Variants in ADAMTS12 observed in about 807,000 individuals in gnomAD.
The protein encoded by ADAMTS12 is A disintegrin and metalloproteinase with thrombospondin motifs 12.
A neutral mutation model predicts 167.8 loss-of-function variants in ADAMTS12; 118 were observed. The observed-to-expected ratio is 0.70, with a 90% confidence interval of 0.61 to 0.82. The LOEUF is 0.82. Ranked by LOEUF, ADAMTS12 falls within the 40% of genes least tolerant of loss-of-function variation. The probability of loss-of-function intolerance (pLI) is 0.00; values close to 1 mark genes in which losing one functional copy is unlikely to be tolerated. For synonymous variants in ADAMTS12, 704 were observed against 716.9 expected (o/e 0.98, Z 0.29); for missense variants, 1,916 against 1,998.8 (o/e 0.96, Z 0.79).
intron 2 of ADAMTS12, among the ~76,000 whole-genome samples, chr5:33,791,995 CT>C (rs746021718): frequency 0.028 from 3,315 of 119,288 alleles, 81 homozygotes; most frequent in African/African-American, 0.095. Flanking sequence ...TGCTTTCACA[CT>C]TTTTTTTTTT....
intron 16 of ADAMTS12, among the ~76,000 whole-genome samples, chr5:33,605,751 T>C (rs916902206): frequency 3.3e-5 from 5 of 152,004 alleles, no homozygotes; most frequent in Non-Finnish European, 4.4e-5. Flanking sequence ...AATAGATAAT[T>C]ACTAATAATT....
chr5:33,891,938 A>AT lies in ADAMTS12; in HGVS notation c.-83_-82insA. 1 of 1,540,332 alleles carries AT rather than the reference A, an allele frequency of 6.5e-7. No individual in the cohort carries two copies. Among genetic ancestry groups the AT allele is most frequent in the Non-Finnish European group, 8.8e-7 (1 of 1,140,180 alleles). On this transcript the variant is annotated 5_prime_UTR_variant, in exon 1 of 24. In the 5' UTR this introduces an upstream ATG that the reference lacks. Transcript: ENST00000504830. ...ATAAAGCGCTCGCCTGTGGCCCAGC[A>AT]GGAAGATGCAGGGGTGCATGGTCAG...
intron 22 of ADAMTS12, among the ~76,000 whole-genome samples, chr5:33,536,965 G>T (rs529717014): frequency 1.4e-4 from 21 of 152,206 alleles, no homozygotes; most frequent in Non-Finnish European, 2.5e-4. Context: ...AAAGAGCCTA[G>T]TCCTGAAATA....
intron 23 of ADAMTS12, 44 bp from the exon 24 acceptor site, chr5:33,527,410 C>A: frequency 6.3e-7 from 1 of 1,584,888 alleles, no homozygotes; most frequent in South Asian, 1.1e-5. Context: ...CAAAGATTAT[C>A]CTTTGTGGAT....
chr5:33,696,889 A>C (rs1237837285), intron 3 of ADAMTS12, among the ~76,000 whole-genome samples: 1 of 152,188 alleles, frequency 6.6e-6, no homozygotes, highest in Non-Finnish European at 1.5e-5. Context: ...TTTTCGGCTT[A>C]ATATGGTCAA....
At chr5:33,873,106 A>G (rs1342455489) in intron 2 of ADAMTS12, among the ~76,000 whole-genome samples, 1 of 151,912 alleles carries the variant, frequency 6.6e-6, no homozygotes, top group Admixed American at 6.6e-5. Flanking sequence ...ATATAAGTAT[A>G]CTAATTGCAA....
At chr5:33,849,612 T>C (rs200376508) in intron 2 of ADAMTS12, among the ~76,000 whole-genome samples, 1,088 of 58,034 alleles carry the variant, frequency 0.019, 66 homozygotes, top group African/African-American at 0.05. Flanking sequence ...CATAGCAATA[T>C]ATATGTATTG....
rs1303869854 is a variant in ADAMTS12, at chr5:33,576,548, CT to C, written c.3477del (p.Glu1161LysfsTer15). The part of the protein sequence containing the change: ...KGPEMEIHSG[S>X]GEEREQPEDK... The stretch of plus-strand genomic sequence containing the variant: ...TCCTCAGGCTGTTCTCTTTCTTCCC[CT>C]GAGCCACTGTGAATCTCCATTTCTG... On this transcript the variant is annotated frameshift_variant, in exon 19 of 24. Transcript: ENST00000504830. LOFTEE classifies it high-confidence loss of function. The C allele has an allele frequency of 1.9e-6, 3 of 1,613,826 alleles. No individual in the cohort carries two copies. The highest frequency in any genetic ancestry group is 2.5e-6 in the Non-Finnish European group (3 of 1,179,908).
At chr5:33,685,284 A>T (rs547037942) in intron 3 of ADAMTS12, among the ~76,000 whole-genome samples, 8 of 152,358 alleles carry the variant, frequency 5.3e-5, no homozygotes, top group Non-Finnish European at 1.5e-5. Flanking sequence ...CTCACAGGGC[A>T]TCTTGTTCTA....
intron 3 of ADAMTS12, among the ~76,000 whole-genome samples, chr5:33,702,874 G>A (rs1238289302): frequency 6.6e-6 from 1 of 152,160 alleles, no homozygotes; most frequent in Non-Finnish European, 1.5e-5. Context: ...TAGGCAGCCA[G>A]AAAGCCTCCT....
Position 33,549,179 on chromosome 5 carries a change from G to A in ADAMTS12, c.4302+28C>T. The A allele has an allele frequency of 1.9e-6, 3 of 1,603,520 alleles. No individual in the cohort carries two copies. The South Asian group carries it at 3.3e-5, about 18-fold the overall frequency. ...TTCATGGCTTGCCAGGTTGTGTGAG[G>A]ACATCTCTCCCTTTGTGGGGGACCT... On this transcript the variant is annotated intron_variant, in intron 21 of 23. Transcript: ENST00000504830.
At chr5:33,660,167 A>G (rs969363905) in intron 6 of ADAMTS12, among the ~76,000 whole-genome samples, 4 of 152,166 alleles carry the variant, frequency 2.6e-5, no homozygotes, top group African/African-American at 7.2e-5. Flanking sequence ...GGTTCAACAC[A>G]CTTTTATGCA....
intron 8 of ADAMTS12, among the ~76,000 whole-genome samples, 181 bp downstream of exon 8, chr5:33,649,373 C>T (rs1020933451): frequency 1.3e-5 from 2 of 152,188 alleles, no homozygotes; most frequent in Non-Finnish European, 2.9e-5. Flanking sequence ...GGGCAGAGCC[C>T]ATCTAGACCT....
intron 3 of ADAMTS12, among the ~76,000 whole-genome samples, chr5:33,743,257 G>A (rs1330923118): frequency 2.0e-5 from 3 of 152,218 alleles, no homozygotes; most frequent in African/African-American, 7.2e-5. Flanking sequence ...GTGGGGGCCA[G>A]CAGGCCTCGG....
At chr5:33,670,798 A>C (rs962884206) in intron 5 of ADAMTS12, among the ~76,000 whole-genome samples, 5 of 152,338 alleles carry the variant, frequency 3.3e-5, no homozygotes, top group African/African-American at 1.2e-4. Context: ...CATATAACTT[A>C]GCAGTTACAT....
chr5:33,845,461 C>A (rs538344110), intron 2 of ADAMTS12, among the ~76,000 whole-genome samples: 2 of 152,200 alleles, frequency 1.3e-5, no homozygotes, highest in Admixed American at 6.5e-5. Flanking sequence ...ATAAATACTG[C>A]CGTTATGTAT....
chr5:33,760,359 C>T (rs1025551956), intron 2 of ADAMTS12, among the ~76,000 whole-genome samples: 38 of 145,544 alleles, frequency 2.6e-4, no homozygotes, highest in African/African-American at 7.1e-4. Flanking sequence ...CAGACTAGGA[C>T]GATAAAAAGA....
At position 33,703,140 on chromosome 5, in the gene ADAMTS12, C is replaced by A. The variant is rs560755914; in HGVS notation, c.635-19085G>T. Among the ~76,000 whole-genome samples the A allele has an allele frequency of 2.0e-5, 3 of 152,298 alleles. No homozygotes were observed. In the East Asian group the frequency reaches 5.8e-4, roughly 29 times the overall value. On this transcript the variant is annotated intron_variant, in intron 3 of 23. Coordinates refer to ENST00000504830, the MANE Select transcript of ADAMTS12 (RefSeq NM_030955.4). ...ACATTCTCTGTGCTAATTTTCAAAGCCTCTGGTGATGATTAAGATCTGAAG... is the reference window on the plus strand; with the variant it reads ...ACATTCTCTGTGCTAATTTTCAAAGACTCTGGTGATGATTAAGATCTGAAG...
rs2111693149 is a variant in ADAMTS12 at position 33,523,590 on chromosome 5, T to A, written c.*3598A>T. ...AGGGAGGTTATGATTACAGTCTGGT[T>A]TTAAGTACTGAAATATCCACCAAGG... On this transcript the variant is annotated 3_prime_UTR_variant, in exon 24 of 24. Transcript: ENST00000504830. 1 of 152,258 alleles carries A rather than the reference T, an allele frequency of 6.6e-6. No individual in the cohort carries two copies. The highest frequency in any genetic ancestry group is 2.4e-5 in the African/African-American group (1 of 41,538). The allele number at this position is 152,258 out of a possible 1,614,324, so 9.4% of individuals were successfully genotyped here.
Sources: gnomAD v4.1 joint callset for allele counts (sites outside exome capture counted in the v4.1 genomes callset) on GRCh38, gnomAD v4.1.1 for gene constraint, MANE v1.5 for transcripts, NCBI Gene and HGNC (gene_info 2026-07-23, HGNC 2026-07-21) for gene names.